The following XRCC5 variants were observed in gnomAD, a reference collection of about 807,000 sequenced individuals.
The protein encoded by XRCC5 is X-ray repair cross complementing 5.
In XRCC5, 12 loss-of-function variants were observed where a neutral mutation model predicts 95.7. The observed-to-expected ratio is 0.13, with a 90% CI of 0.08 to 0.20. The LOEUF is 0.20. XRCC5 is among the 10% of genes least tolerant of loss of function. The probability of loss-of-function intolerance (pLI) is 1.00; values close to 1 mark genes in which losing one functional copy is unlikely to be tolerated. For missense variants in XRCC5, 595 were observed against 873.9 expected, an observed-to-expected ratio of 0.68 and a Z score of 4.02; for synonymous variants, 281 against 290.3, an observed-to-expected ratio of 0.97 and a Z score of 0.33.
intron 19 of XRCC5, among the ~76,000 whole-genome samples, chr2:216,202,417 G>T (rs1488777541): frequency 6.6e-6 from 1 of 152,202 alleles, no homozygotes; most frequent in African/African-American, 2.4e-5. Flanking sequence ...CTAGGATAGA[G>T]TAGTTTATTT....
intron 16 of XRCC5, chr2:216,175,316 A>C (rs1407635914): frequency 6.6e-6 from 3 of 455,642 alleles, no homozygotes; most frequent in Admixed American, 5.0e-5. Flanking sequence ...TCTTCCACCA[A>C]AGTTTCCACC....
At chr2:216,132,022 C>T (rs1697004100) in intron 9 of XRCC5, among the ~76,000 whole-genome samples, 1 of 152,166 alleles carries the variant, frequency 6.6e-6, no homozygotes, top group African/African-American at 2.4e-5. Flanking sequence ...CTTAAAGCAC[C>T]ATGTAACCCT....
intron 16 of XRCC5, among the ~76,000 whole-genome samples, chr2:216,179,920 C>T (rs1004314626): frequency 2.0e-5 from 3 of 152,024 alleles, no homozygotes; most frequent in Non-Finnish European, 4.4e-5. Flanking sequence ...TCCACGTGAC[C>T]GGAGGTAGTA....
At chr2:216,193,756 C>G (rs1476483737) in intron 18 of XRCC5, among the ~76,000 whole-genome samples, 3 of 152,240 alleles carry the variant, frequency 2.0e-5, no homozygotes, top group Non-Finnish European at 2.9e-5. Context: ...TCCATATTTT[C>G]TGATAGCTTA....
intron 14 of XRCC5, chr2:216,156,831 C>T (rs1195965043): frequency 2.4e-6 from 1 of 424,100 alleles, no homozygotes. Flanking sequence ...TAACAGACAC[C>T]TGGCCAGACT....
intron 7 of XRCC5, among the ~76,000 whole-genome samples, chr2:216,126,300 C>T (rs1468292326): frequency 6.6e-6 from 1 of 152,034 alleles, no homozygotes; most frequent in Non-Finnish European, 1.5e-5. Context: ...AAGTTCTAGG[C>T]CTGTCTCTTT....
At chr2:216,138,499 T>C (rs1387646171) in intron 12 of XRCC5, among the ~76,000 whole-genome samples, 1 of 152,232 alleles carries the variant, frequency 6.6e-6, no homozygotes, top group Non-Finnish European at 1.5e-5. Flanking sequence ...CTGAGCAGTA[T>C]CAAACCTGTG....
Position 216,161,998 on chromosome 2 carries a change from C to G in XRCC5, c.1784C>G (p.Ala595Gly), listed in dbSNP as rs753410454. ...TTTTAGGTTGGAAGTGTGAATCCTGCTGAAAACTTCCGTGTTCTAGTGAAA... is the reference window on the plus strand; with the variant it reads ...TTTTAGGTTGGAAGTGTGAATCCTGGTGAAAACTTCCGTGTTCTAGTGAAA... Reference protein sequence around the residue: ...SVTSVGSVNPAENFRVLVKQK... With the variant: ...SVTSVGSVNPGENFRVLVKQK... The change falls in exon 16 of 21, where the codon GCT (alanine) becomes GGT (glycine). Residue 595 changes from alanine to glycine, a missense_variant. Coordinates refer to ENST00000392132, the MANE Select transcript of XRCC5 (RefSeq NM_021141.4). 2 of 1,613,990 alleles carry G rather than the reference C, an allele frequency of 1.2e-6. No individual in the cohort carries two copies. The highest frequency in any genetic ancestry group is 2.7e-5 in the African/African-American group (2 of 74,912).
intron 16 of XRCC5, chr2:216,175,517 A>C (rs1419075992): frequency 8.8e-6 from 4 of 453,538 alleles, no homozygotes; most frequent in African/African-American, 8.2e-5. Context: ...TATCATGATC[A>C]TCAAAAGTTA....
intron 1 of XRCC5, among the ~76,000 whole-genome samples, chr2:216,111,984 A>G (rs1275038955): frequency 6.6e-6 from 1 of 152,200 alleles, no homozygotes; most frequent in Non-Finnish European, 1.5e-5. Flanking sequence ...ATACAGACCA[A>G]CATATTTAGG....
Position 216,203,499 on chromosome 2 carries a change from G to A in XRCC5, c.2110-823G>A, listed in dbSNP as rs560889652. Reference sequence around the variant, plus strand: ...CCACTGCTATCCCTTGGAGGGACAGGATGGAAAAAGAGTGTTCAGATAATT... The same window carrying A: ...CCACTGCTATCCCTTGGAGGGACAGAATGGAAAAAGAGTGTTCAGATAATT... On this transcript the variant is annotated intron_variant, in intron 19 of 20. Transcript: ENST00000392132. Among the ~76,000 whole-genome samples, 7 of 152,264 alleles carry A rather than the reference G, an allele frequency of 4.6e-5. No homozygotes were observed. In the South Asian group the frequency reaches 1.4e-3, roughly 32 times the overall value.
intron 16 of XRCC5, among the ~76,000 whole-genome samples, chr2:216,165,914 A>G (rs1190867519): frequency 6.6e-6 from 1 of 152,112 alleles, no homozygotes; most frequent in Non-Finnish European, 1.5e-5. Context: ...GTCTATATAT[A>G]GTAGGCAGCT....
At chr2:216,166,956 G>A (rs542706428) in intron 16 of XRCC5, among the ~76,000 whole-genome samples, 2 of 152,222 alleles carry the variant, frequency 1.3e-5, no homozygotes, top group East Asian at 3.9e-4. Flanking sequence ...ATAATGAGAC[G>A]ATTCTCTTTC....
intron 6 of XRCC5, among the ~76,000 whole-genome samples, chr2:216,123,932 G>T (rs1398764982): frequency 6.6e-6 from 1 of 152,162 alleles, no homozygotes; most frequent in African/African-American, 2.4e-5. Flanking sequence ...TTAGCATTTC[G>T]ACGCTACTTT....
At chr2:216,130,851 A>T (rs1355989529) in intron 8 of XRCC5, 24 bp from the exon 9 acceptor site, 1 of 1,547,086 alleles carries the variant, frequency 6.5e-7, no homozygotes, top group African/African-American at 1.4e-5. Flanking sequence ...TATGCTTAAC[A>T]GATGCTCTTC....
chr2:216,171,403 G>A (rs189116686), intron 16 of XRCC5, among the ~76,000 whole-genome samples: 46 of 152,332 alleles, frequency 3.0e-4, no homozygotes, highest in African/African-American at 1.0e-3. Flanking sequence ...GTTTCAGCAG[G>A]GCTGGAGAAT....
At chr2:216,147,012 T>G (rs781052588) in intron 13 of XRCC5, among the ~76,000 whole-genome samples, 4 of 152,050 alleles carry the variant, frequency 2.6e-5, no homozygotes, top group Admixed American at 6.6e-5. Flanking sequence ...ACTAAAAAAT[T>G]GATAATTTTA....
At chr2:216,145,698 A>G (rs1461687494) in intron 13 of XRCC5, among the ~76,000 whole-genome samples, 2 of 152,182 alleles carry the variant, frequency 1.3e-5, no homozygotes, top group African/African-American at 4.8e-5. Flanking sequence ...ACCTCAGAAC[A>G]TCTCTTGTAG....
At chr2:216,185,986 T>C (rs1306124279) in intron 16 of XRCC5, among the ~76,000 whole-genome samples, 1 of 152,228 alleles carries the variant, frequency 6.6e-6, no homozygotes, top group Non-Finnish European at 1.5e-5. Context: ...ATGTACAGCA[T>C]TTCAATAAGT....
Sources: gnomAD v4.1 joint callset for allele counts (sites outside exome capture counted in the v4.1 genomes callset) on GRCh38, gnomAD v4.1.1 for gene constraint, MANE v1.5 for transcripts, NCBI Gene and HGNC (gene_info 2026-07-23, HGNC 2026-07-21) for gene names.